The following PIK3C2G variants were observed in gnomAD, a reference collection of about 807,000 sequenced individuals.
PIK3C2G encodes phosphatidylinositol-4-phosphate 3-kinase catalytic subunit type 2 gamma.
PIK3C2G carries 168 observed loss-of-function variants against 181.1 expected under a neutral mutation model. The ratio of observed to expected loss-of-function variants is 0.93; its 90% confidence interval spans 0.82 to 1.05. The LOEUF (loss-of-function observed/expected upper bound fraction) is 1.05, where lower values mean the gene tolerates loss of function less well. PIK3C2G is among the 50% of genes least tolerant of loss of function. The pLI is 0.00. For synonymous variants in PIK3C2G, 573 were observed against 592.2 expected, an observed-to-expected ratio of 0.97 and a Z score of 0.47; for missense variants, 1,869 against 1,732.8, an observed-to-expected ratio of 1.08 and a Z score of -1.40.
intron 13 of PIK3C2G, among the ~76,000 whole-genome samples, chr12:18,379,040 T>C (rs1258600717): frequency 6.6e-6 from 1 of 152,152 alleles, no homozygotes; most frequent in Non-Finnish European, 1.5e-5. Flanking sequence ...TTATAAATCA[T>C]GATACTATAA....
chr12:18,467,526 A>C (rs952413385), intron 18 of PIK3C2G, among the ~76,000 whole-genome samples: 22 of 151,878 alleles, frequency 1.4e-4, no homozygotes, highest in Non-Finnish European at 2.4e-4. Flanking sequence ...TGTAAAGCAA[A>C]GTAGACCTGA....
At chr12:18,647,731 T>C (rs1950222414) in intron 32 of PIK3C2G, 145 bp from the exon 33 acceptor site, 1 of 395,620 alleles carries the variant, frequency 2.5e-6, no homozygotes, top group East Asian at 3.8e-5. Flanking sequence ...GAATAAAAGT[T>C]AGAAATAAAA....
chr12:18,314,113 G>T, intron 6 of PIK3C2G, 49 bp downstream of exon 6: 2 of 908,568 alleles, frequency 2.2e-6, no homozygotes, highest in South Asian at 1.6e-5. Context: ...ACAGTTTTAA[G>T]GACAATATTT....
chr12:18,723,668 T>C, the PIK3C2G span: 4 of 833,172 alleles, frequency 4.8e-6, no homozygotes, highest in African/African-American at 6.9e-5. Context: ...ATTGGATTCT[T>C]ATTGAAGATA....
At chr12:18,456,547 C>A (rs1233189291) in intron 18 of PIK3C2G, among the ~76,000 whole-genome samples, 1 of 152,154 alleles carries the variant, frequency 6.6e-6, no homozygotes, top group Non-Finnish European at 1.5e-5. Flanking sequence ...TGCAAAGAAG[C>A]TAGCCGCCCC....
At chr12:18,275,672 T>C (rs1347106919) in intron 1 of PIK3C2G, among the ~76,000 whole-genome samples, 2 of 152,272 alleles carry the variant, frequency 1.3e-5, no homozygotes, top group Non-Finnish European at 2.9e-5. Flanking sequence ...TGGGCCACCA[T>C]GCCTGGCCTA....
At chr12:18,680,727 G>C in the PIK3C2G span, among the ~76,000 whole-genome samples, 24,358 of 152,034 alleles carry the variant, frequency 0.16, 3,104 homozygotes, top group African/African-American at 0.36. Context: ...TACAAAAGGA[G>C]ACACAACATG....
chr12:18,493,035 TG>T, intron 20 of PIK3C2G: 1 of 152,432 alleles, frequency 6.6e-6, no homozygotes, highest in Non-Finnish European at 1.5e-5. Context: ...GACACCATCT[TG>T]GGAAACATTT....
chr12:18,657,189 G>T, the PIK3C2G span, among the ~76,000 whole-genome samples: 2 of 152,138 alleles, frequency 1.3e-5, no homozygotes, highest in African/African-American at 4.8e-5. Context: ...TGCCACTGCT[G>T]CTGGGGACAA....
chr12:18,471,360 C>A (rs1938442248), intron 18 of PIK3C2G, among the ~76,000 whole-genome samples: 1 of 152,142 alleles, frequency 6.6e-6, no homozygotes, highest in Admixed American at 6.6e-5. Context: ...ATATATACTG[C>A]TCTCCCCGGT....
chr12:18,585,901 A>G (rs1946748136), intron 29 of PIK3C2G, among the ~76,000 whole-genome samples: 1 of 152,230 alleles, frequency 6.6e-6, no homozygotes, highest in Non-Finnish European at 1.5e-5. Flanking sequence ...ATATTGCTCA[A>G]AACTATGCAA....
the PIK3C2G span, among the ~76,000 whole-genome samples, chr12:18,671,441 G>A: frequency 6.6e-5 from 10 of 152,128 alleles, no homozygotes; most frequent in Admixed American, 3.3e-4. Context: ...GTGTGACTGC[G>A]TCAGCATAAT....
chr12:18,391,855 C>T (rs1943552754), intron 15 of PIK3C2G, among the ~76,000 whole-genome samples: 2 of 151,562 alleles, frequency 1.3e-5, no homozygotes, highest in African/African-American at 2.4e-5. Context: ...GTCTCTCTCT[C>T]TCTATCTCTT....
At chr12:18,712,115 TTC>T in the PIK3C2G span, among the ~76,000 whole-genome samples, 2 of 152,190 alleles carry the variant, frequency 1.3e-5, no homozygotes, top group African/African-American at 4.8e-5. Flanking sequence ...GTAGTAAGAA[TTC>T]TTTTAGTCAT....
the PIK3C2G span, chr12:18,713,908 A>G: frequency 6.6e-6 from 1 of 152,216 alleles, no homozygotes. Flanking sequence ...CTGTGTTTAA[A>G]TTAATTTTCA....
chr12:18,723,608 GTATT>G, the PIK3C2G span: 5 of 1,179,916 alleles, frequency 4.2e-6, no homozygotes, highest in African/African-American at 7.7e-5. Context: ...GAATATTAGA[GTATT>G]TATGTAACAT....
the PIK3C2G span, among the ~76,000 whole-genome samples, chr12:18,674,652 A>T: frequency 3.3e-5 from 5 of 152,114 alleles, no homozygotes; most frequent in Non-Finnish European, 7.4e-5. Context: ...ATGGTCACAA[A>T]TTTTTTGCAA....
chr12:18,423,913 G>C (rs934070664), intron 17 of PIK3C2G, 32 bp from the exon 18 acceptor site: 1 of 1,381,426 alleles, frequency 7.2e-7, no homozygotes, highest in Admixed American at 1.8e-5. Context: ...TTTTGTTACT[G>C]AGAAGTAAAG....
chr12:18,250,685 T>C (rs994160695), intron 1 of PIK3C2G, among the ~76,000 whole-genome samples: 2 of 152,044 alleles, frequency 1.3e-5, no homozygotes, highest in African/African-American at 4.8e-5. Context: ...TGTGACCTAA[T>C]TGTCTAGGCA....
Sources: allele counts gnomAD v4.1 joint callset (sites outside exome capture counted in the v4.1 genomes callset), GRCh38; gene constraint gnomAD v4.1.1; transcripts MANE v1.5; gene names NCBI Gene and HGNC (gene_info 2026-07-23, HGNC 2026-07-21).